The following COL22A1 variants were observed in gnomAD, a reference collection of about 807,000 sequenced individuals.
COL22A1 encodes collagen type XXII alpha 1 chain, also known as collagen alpha-1(XXII) chain.
In COL22A1, 221 loss-of-function variants were observed where a neutral mutation model predicts 248.9. That is an observed-to-expected ratio of 0.89 (90% CI 0.80 to 0.99). COL22A1 has a LOEUF of 0.99. COL22A1 is among the 50% of genes least tolerant of loss of function. The pLI is 0.00. For missense variants in COL22A1, 2,240 were observed against 2,179.0 expected (o/e 1.03, Z -0.56); for synonymous variants, 891 against 793.4 (o/e 1.12, Z -2.07).
At chr8:138,669,489 AGGAGGCTCCT>A (rs907894492) in intron 41 of COL22A1, among the ~76,000 whole-genome samples, 5 of 152,178 alleles carry the variant, frequency 3.3e-5, no homozygotes, top group African/African-American at 9.6e-5. Context: ...CATGCCACGA[AGGAGGCTCCT>A]GGAGCCACAG....
intron 16 of COL22A1, among the ~76,000 whole-genome samples, chr8:138,766,750 C>T (rs1486573150): frequency 2.6e-5 from 4 of 152,116 alleles, no homozygotes; most frequent in African/African-American, 4.8e-5. Context: ...ATTCAGAGTG[C>T]GGTCTCAAGC....
intron 1 of COL22A1, among the ~76,000 whole-genome samples, chr8:138,897,882 C>A (rs1484993563): frequency 6.6e-6 from 1 of 151,812 alleles, no homozygotes; most frequent in African/African-American, 2.4e-5. Context: ...GGCTTTTAAA[C>A]AACAGAAATG....
intron 22 of COL22A1, 53 bp from the exon 23 acceptor site, chr8:138,737,630 G>T: frequency 8.1e-7 from 1 of 1,237,942 alleles, no homozygotes; most frequent in Admixed American, 1.7e-5. Flanking sequence ...GTCAACCAGA[G>T]GGGGTTTAAT....
intron 1 of COL22A1, among the ~76,000 whole-genome samples, chr8:138,909,890 C>T (rs2132206440): frequency 6.6e-6 from 1 of 152,306 alleles, no homozygotes; most frequent in Admixed American, 6.5e-5. Flanking sequence ...TGAGAACCAT[C>T]AAAATACCAA....
chr8:138,781,497 C>T (rs1206565394), intron 12 of COL22A1, among the ~76,000 whole-genome samples: 1 of 152,142 alleles, frequency 6.6e-6, no homozygotes, highest in East Asian at 1.9e-4. Context: ...CCAAAAGCCT[C>T]CTGCTTGGGA....
chr8:138,765,802 G>A (rs1342182896), intron 16 of COL22A1, among the ~76,000 whole-genome samples: 1 of 152,224 alleles, frequency 6.6e-6, no homozygotes, highest in Non-Finnish European at 1.5e-5. Context: ...GAGTGAAGCT[G>A]CTGACCCTGA....
intron 25 of COL22A1, among the ~76,000 whole-genome samples, chr8:138,722,576 C>T (rs983634181): frequency 4.6e-5 from 7 of 152,180 alleles, no homozygotes; most frequent in Admixed American, 6.5e-5. Context: ...CCTGTTATTT[C>T]GAATGCCAGC....
intron 16 of COL22A1, among the ~76,000 whole-genome samples, chr8:138,768,944 A>G (rs765510121): frequency 6.6e-4 from 100 of 151,988 alleles, no homozygotes; most frequent in Non-Finnish European, 9.1e-4. Context: ...CTCAAGAAAA[A>G]AAAAAGAGGA....
At chr8:138,634,323 T>C (rs1478442991) in intron 49 of COL22A1, among the ~76,000 whole-genome samples, 1 of 152,156 alleles carries the variant, frequency 6.6e-6, no homozygotes, top group African/African-American at 2.4e-5. Flanking sequence ...AATCCTCTCC[T>C]TGCAAGGTCT....
intron 39 of COL22A1, among the ~76,000 whole-genome samples, chr8:138,682,007 A>AGTAATTATT (rs1564187019): frequency 1.3e-5 from 2 of 152,200 alleles, no homozygotes; most frequent in African/African-American, 4.8e-5. Flanking sequence ...TATAGATAAC[A>AGTAATTATT]GTAATTATTT....
intron 3 of COL22A1, among the ~76,000 whole-genome samples, chr8:138,855,416 G>A (rs1821937844): frequency 6.6e-6 from 1 of 152,226 alleles, no homozygotes; most frequent in African/African-American, 2.4e-5. Flanking sequence ...TGTGGCTCCA[G>A]GGGCCCTGCA....
At position 138,779,702 on chromosome 8, in the gene COL22A1, G is replaced by A. The variant is rs1250339452; in HGVS notation, c.1651-140C>T. 3 of 621,122 alleles carry A rather than the reference G, an allele frequency of 4.8e-6. No homozygotes were observed. In the African/African-American group the frequency reaches 5.5e-5, roughly 11 times the overall value. 38.5% of individuals were successfully genotyped at this position (621,122 alleles called of 1,614,324 possible). ...AAACAAGGTAGCCACCAGTGAGCAGGGCCCGGGCTCCCCTCAGATGCTATT... is the reference window on the plus strand; with the variant it reads ...AAACAAGGTAGCCACCAGTGAGCAGAGCCCGGGCTCCCCTCAGATGCTATT... On this transcript the variant is annotated intron_variant, in intron 13 of 64. Transcript: ENST00000303045.
intron 12 of COL22A1, among the ~76,000 whole-genome samples, chr8:138,788,977 C>G (rs929719108): frequency 1.3e-5 from 2 of 152,202 alleles, no homozygotes; most frequent in Non-Finnish European, 2.9e-5. Flanking sequence ...CTAGATCCAG[C>G]CAGTCTGTGA....
intron 16 of COL22A1, among the ~76,000 whole-genome samples, chr8:138,770,914 A>G (rs1834313472): frequency 6.6e-6 from 1 of 152,188 alleles, no homozygotes; most frequent in African/African-American, 2.4e-5. Flanking sequence ...CCCCATATAT[A>G]AAGCACATGC....
intron 50 of COL22A1, among the ~76,000 whole-genome samples, chr8:138,628,152 C>A (rs1820407214): frequency 6.6e-6 from 1 of 152,168 alleles, no homozygotes; most frequent in Admixed American, 6.5e-5. Context: ...GGACTCCATT[C>A]ATTACCAAAA....
chr8:138,780,823 T>A (rs1814901323), intron 13 of COL22A1, 104 bp downstream of exon 13: 1 of 925,364 alleles, frequency 1.1e-6, no homozygotes, highest in Non-Finnish European at 1.8e-6. Context: ...CCCACTCAAG[T>A]CTGGCCCTGG....
intron 56 of COL22A1, 142 bp from the exon 57 acceptor site, chr8:138,608,131 A>G: frequency 1.7e-6 from 1 of 576,930 alleles, no homozygotes. Context: ...CTACCACTTC[A>G]TTACTCAGAG....
chr8:138,712,388 A>C (rs913690648), intron 30 of COL22A1, among the ~76,000 whole-genome samples: 2 of 152,294 alleles, frequency 1.3e-5, no homozygotes, highest in African/African-American at 4.8e-5. Flanking sequence ...TGAAACAGCA[A>C]GAAAAGCAAG....
rs199506011 is a variant in COL22A1, at chr8:138,821,277, G to C, written c.1104C>G (p.Ala368=). The C allele has an allele frequency of 1.5e-4, 245 of 1,614,178 alleles. No individual in the cohort carries two copies. The highest frequency in any genetic ancestry group is 2.0e-4 in the Non-Finnish European group (236 of 1,180,030). Residue 368 remains alanine (A), a synonymous_variant, in exon 7 of 65, where the codon GCC becomes GCG. Transcript: ENST00000303045. ...DLFDRDWHKM[A]LSIQAQNVSL... is the part of the protein sequence containing the mutation. ...AGACGTTCTGGGCCTGGATGCTCAGGGCCATCTTGTGCCAGTCCCGGTCAA... is the reference window on the plus strand; with the variant it reads ...AGACGTTCTGGGCCTGGATGCTCAGCGCCATCTTGTGCCAGTCCCGGTCAA...
Sources: gnomAD v4.1 joint callset for allele counts (sites outside exome capture counted in the v4.1 genomes callset) on GRCh38, gnomAD v4.1.1 for gene constraint, MANE v1.5 for transcripts, NCBI Gene and HGNC (gene_info 2026-07-23, HGNC 2026-07-21) for gene names.